Variants in OLFML2A observed in about 807,000 individuals in gnomAD.
The protein encoded by OLFML2A is olfactomedin-like protein 2A.
Under a neutral mutation model 60.9 loss-of-function variants are expected in OLFML2A, and 47 were observed. That is an observed-to-expected ratio of 0.77 (90% confidence interval 0.61 to 0.98). The LOEUF is 0.98. Among genes scored for constraint, OLFML2A ranks in the 50% least tolerant of loss-of-function variants. OLFML2A has a pLI of 0.00. For synonymous variants in OLFML2A, 372 were observed against 375.0 expected, an observed-to-expected ratio of 0.99 and a Z score of 0.09; for missense variants, 922 against 879.8, an observed-to-expected ratio of 1.05 and a Z score of -0.61.
At position 124,787,042 on chromosome 9, in the gene OLFML2A, T is replaced by C; in HGVS notation, c.158T>C (p.Met53Thr). Residue 53 changes from methionine to threonine, a missense_variant, in exon 2 of 8, where the codon ATG (methionine) becomes ACG (threonine). Transcript: ENST00000373580. ...EGSDCRCKCI[M>T]RPLSKDACSR... The stretch of plus-strand genomic sequence containing the variant: ...TCCGACTGCCGTTGCAAGTGCATCA[T>C]GCGGCCCCTGAGCAAGGACGCGTGT... The C allele has an allele frequency of 1.9e-6, 3 of 1,614,014 alleles. No individual in the cohort carries two copies. Among genetic ancestry groups the C allele is most frequent in the Non-Finnish European group, 2.5e-6 (3 of 1,180,002 alleles).
intron 1 of OLFML2A, among the ~76,000 whole-genome samples, chr9:124,782,127 T>C (rs1588877221): frequency 6.6e-6 from 1 of 152,210 alleles, no homozygotes; most frequent in East Asian, 1.9e-4. Context: ...TCAGGTTCTA[T>C]GCCCCCCAGG....
Position 124,809,848 on chromosome 9 carries a change from C to T in OLFML2A, c.1395C>T (p.Ile465=), listed in dbSNP as rs190574507. Residue 465 remains isoleucine, a synonymous_variant, in exon 8 of 8, where the codon ATC becomes ATT. Coordinates refer to ENST00000373580, the MANE Select transcript of OLFML2A (RefSeq NM_182487.4). ...TGTACAAGCTACCCTACAACTGGATCGGCACAGGCCACGTGGTGTACCAGG... is the reference window on the plus strand; with the variant it reads ...TGTACAAGCTACCCTACAACTGGATTGGCACAGGCCACGTGGTGTACCAGG... The part of the protein sequence containing the change: ...SNMYKLPYNW[I]GTGHVVYQGA... The T allele has an allele frequency of 2.5e-5, 41 of 1,613,142 alleles. No individual in the cohort carries two copies. The highest frequency in any genetic ancestry group is 2.0e-4 in the South Asian group (18 of 90,960).
At chr9:124,808,057 T>C (rs1304032779) in intron 7 of OLFML2A, 91 bp downstream of exon 7, 1 of 988,156 alleles carries the variant, frequency 1.0e-6, no homozygotes, top group Non-Finnish European at 1.6e-6. Context: ...GCCTTGTGGG[T>C]TTCTATGGTA....
chr9:124,801,963 G>A (rs1564287058), intron 5 of OLFML2A, among the ~76,000 whole-genome samples: 2 of 152,118 alleles, frequency 1.3e-5, no homozygotes, highest in African/African-American at 4.8e-5. Flanking sequence ...CTGACCAGGT[G>A]ACAGGGAATG....
In OLFML2A at chr9:124,795,093, G is replaced by A. The variant is rs779404897; in HGVS notation, c.424G>A (p.Val142Ile). 1.2e-4 allele frequency: 200 copies of A among 1,607,262 alleles called. No individual in the cohort carries two copies. The highest frequency in any genetic ancestry group is 1.6e-4 in the Non-Finnish European group (189 of 1,176,442). Residue 142 changes from valine (V) to isoleucine (I), a missense_variant, in exon 3 of 8, where the codon GTC (valine) becomes ATC (isoleucine). By Grantham distance (29) the Val-to-Ile change is conservative. Transcript: ENST00000373580. ...GGACTTGATGAAGGTGCACGCCTAC[G>A]TCCACAAGGTGGCCTCCCAGATGAA... ...SMDLMKVHAY[V>I]HKVASQMNTL... is the part of the protein sequence containing the mutation.
At chr9:124,800,965 G>C in intron 4 of OLFML2A, 1 of 1,546,760 alleles carries the variant, frequency 6.5e-7, no homozygotes, top group Non-Finnish European at 8.8e-7. Flanking sequence ...GCTAAAACTA[G>C]GAATGTTCCA....
chr9:124,809,938 C>T lies in OLFML2A; in HGVS notation c.1485C>T (p.Phe495=), dbSNP rs776165062. The change falls in exon 8 of 8, where the codon TTC becomes TTT. Residue 495 remains phenylalanine, a synonymous_variant. Coordinates refer to ENST00000373580, the MANE Select transcript of OLFML2A (RefSeq NM_182487.4). ...TCAAGTACGACCTACGGCAGCGCTT[C>T]GTGGCCTCCTGGGCGCTGCTGCCCG... ...NIIKYDLRQR[F]VASWALLPDV... The T allele has an allele frequency of 5.0e-6, 8 of 1,614,078 alleles. No homozygotes were observed. Among genetic ancestry groups the T allele is most frequent in the African/African-American group, 1.3e-5 (1 of 74,928 alleles).
chr9:124,799,310 A>T lies in OLFML2A; in HGVS notation c.488A>T (p.Glu163Val). The T allele has an allele frequency of 6.2e-7, 1 of 1,611,934 alleles. No homozygotes were observed. Among genetic ancestry groups the T allele is most frequent in the South Asian group, 1.1e-5 (1 of 91,056 alleles). The change falls in exon 4 of 8, where the codon GAG becomes GTG. Residue 163 changes from glutamate to valine, a missense_variant. Glu to Val is a moderately radical substitution (Grantham distance 121). Transcript: ENST00000373580. ...EESIKANLSR[E>V]NEVVKDSVRH... ...AGCATCAAGGCCAACCTGAGCCGGG[A>T]GAATGAGGTGGTGAAGGACAGCGTG... is the stretch of plus-strand genomic sequence containing the variant.
intron 2 of OLFML2A, among the ~76,000 whole-genome samples, chr9:124,791,737 C>CAAAAAAAAA (rs10553820): frequency 1.6e-3 from 123 of 74,650 alleles, no homozygotes; most frequent in Middle Eastern, 0.018. Context: ...GACTCTGTCT[C>CAAAAAAAAA]AAAAAAAAAA....
At position 124,777,262 on chromosome 9, in the gene OLFML2A, C is replaced by T. The variant is rs1201217665; in HGVS notation, c.-9C>T. 7 of 1,120,458 alleles carry T rather than the reference C, an allele frequency of 6.2e-6. No individual in the cohort carries two copies. The highest frequency in any genetic ancestry group is 1.6e-5 in the African/African-American group (1 of 61,552). 69.4% of individuals were successfully genotyped at this position (1,120,458 alleles called of 1,614,324 possible). ...CCCGGCCGCCTGTGCCTACCGTGCC[C>T]GTGGCGCCATGGCCGCTGCCGCCCT... On this transcript the variant is annotated 5_prime_UTR_variant, in exon 1 of 8. Transcript: ENST00000373580. This position sits in a 1 kb window ranked among gnomAD's most constrained non-coding sequence, Gnocchi z 6.2.
intron 1 of OLFML2A, among the ~76,000 whole-genome samples, 176 bp from the exon 2 acceptor site, chr9:124,786,795 CACAG>C (rs1479733140): frequency 2.5e-5 from 3 of 121,698 alleles, no homozygotes; most frequent in East Asian, 2.4e-4. Context: ...CACACACACA[CACAG>C]AGTTGTTATT....
In OLFML2A at chr9:124,811,325, G is replaced by C. The variant is rs1232676766; in HGVS notation, c.*913G>C. 2 of 152,752 alleles carry C rather than the reference G, an allele frequency of 1.3e-5. No individual in the cohort carries two copies. Among genetic ancestry groups the C allele is most frequent in the East Asian group, 3.8e-4 (2 of 5,196 alleles). 9.5% of individuals were successfully genotyped at this position (152,752 alleles called of 1,614,324 possible). On this transcript the variant is annotated 3_prime_UTR_variant, in exon 8 of 8. Transcript: ENST00000373580. Reference sequence around the variant, plus strand: ...TAGTCAGGCCTTGGGTCCCCTCCCTGGTTCATCCCAGAGCCTTTGGGCCTG... The same window carrying C: ...TAGTCAGGCCTTGGGTCCCCTCCCTCGTTCATCCCAGAGCCTTTGGGCCTG...
chr9:124,781,174 A>G lies in OLFML2A; in HGVS notation c.90+3814A>G, dbSNP rs140767789. 1.4e-4 allele frequency among the ~76,000 whole-genome samples: 22 copies of G among 152,310 alleles called. No homozygotes were observed. In the East Asian group the frequency reaches 4.3e-3, roughly 29 times the overall value. On this transcript the variant is annotated intron_variant, in intron 1 of 7. Coordinates refer to ENST00000373580, the MANE Select transcript of OLFML2A (RefSeq NM_182487.4). ...CTGCTGTGTTGTCCAGGTAGCAGTT[A>G]ATATGGCCCGAACTAGGGCTATGGC... is the stretch of plus-strand genomic sequence containing the variant.
At position 124,810,151 on chromosome 9, in the gene OLFML2A, G is replaced by C. The variant is rs774282004; in HGVS notation, c.1698G>C (p.Trp566Cys). The C allele has an allele frequency of 1.4e-5, 22 of 1,613,958 alleles. No homozygotes were observed. The Admixed American group carries it at 3.7e-4, about 27-fold the overall frequency. ...GDLSVHRETTWKTRLRRNSYG... is the reference protein window; with the variant it reads ...GDLSVHRETTCKTRLRRNSYG... ...TCTCCGTGCACCGGGAGACCACGTG[G>C]AAGACACGGCTGCGGCGGAACTCCT... Residue 566 changes from tryptophan to cysteine, a missense_variant, in exon 8 of 8, where the codon TGG becomes TGC. Coordinates refer to ENST00000373580, the MANE Select transcript of OLFML2A (RefSeq NM_182487.4).
At chr9:124,800,884 A>C in intron 4 of OLFML2A, 1 of 1,513,936 alleles carries the variant, frequency 6.6e-7, no homozygotes, top group Non-Finnish European at 8.8e-7. Context: ...CATATCCTAG[A>C]GGTTGGGTGA....
In OLFML2A at chr9:124,777,400, C is replaced by T; in HGVS notation, c.90+40C>T. The stretch of plus-strand genomic sequence containing the variant: ...CGGACCCGCGCGGCTCGGCGGGTAG[C>T]GGGGCGCGAGGGGGCGCTGTGGCTG... On this transcript the variant is annotated intron_variant, in intron 1 of 7. Coordinates refer to ENST00000373580, the MANE Select transcript of OLFML2A (RefSeq NM_182487.4). The surrounding 1 kb of genome is among the most constrained non-coding windows in gnomAD (Gnocchi z 6.2). The T allele has an allele frequency of 8.2e-7, 1 of 1,226,708 alleles. No individual in the cohort carries two copies. Among genetic ancestry groups the T allele is most frequent in the Non-Finnish European group, 1.0e-6 (1 of 983,442 alleles). The allele number at this position is 1,226,708 out of a possible 1,614,324, so 76.0% of individuals were successfully genotyped here.
chr9:124,805,858 C>T (rs1443250209), intron 6 of OLFML2A, among the ~76,000 whole-genome samples: 6 of 123,748 alleles, frequency 4.8e-5, no homozygotes, highest in African/African-American at 1.9e-4. Context: ...CTCTGCGGTC[C>T]AGGCTGGAGT....
chr9:124,777,358 A>G lies in OLFML2A; in HGVS notation c.88A>G (p.Lys30Glu). 2 of 1,283,624 alleles carry G rather than the reference A, an allele frequency of 1.6e-6. No individual in the cohort carries two copies. Among genetic ancestry groups the G allele is most frequent in the South Asian group, 2.5e-5 (1 of 40,748 alleles). The allele number at this position is 1,283,624 out of a possible 1,614,324, so 79.5% of individuals were successfully genotyped here. The part of the protein sequence containing the change: ...LSGRPTRADS[K>E]VFGDLDQVRM... ...CGGCCGCCCCACGCGCGCCGACAGTAAGGTACGCACGCCCCTCGGACCCGC... is the reference window on the plus strand; with the variant it reads ...CGGCCGCCCCACGCGCGCCGACAGTGAGGTACGCACGCCCCTCGGACCCGC... Residue 30 changes from lysine (K) to glutamate (E), a missense_variant and splice_region_variant, in exon 1 of 8, where the codon AAG becomes GAG. Transcript: ENST00000373580. The surrounding 1 kb of genome is among the most constrained non-coding windows in gnomAD (Gnocchi z 6.2).
At chr9:124,806,182 GTAAAA>G (rs1841894415) in intron 6 of OLFML2A, among the ~76,000 whole-genome samples, 2 of 151,046 alleles carry the variant, frequency 1.3e-5, no homozygotes, top group Admixed American at 6.6e-5. Flanking sequence ...TTTTTAAAAA[GTAAAA>G]TAAAAAAGAA....
Sources: allele counts gnomAD v4.1 joint callset (sites outside exome capture counted in the v4.1 genomes callset), GRCh38; gene constraint gnomAD v4.1.1; non-coding constraint Gnocchi (gnomAD v3.1); transcripts MANE v1.5; gene names NCBI Gene and HGNC (gene_info 2026-07-23, HGNC 2026-07-21).